The following PELI2 variants were observed in gnomAD, a reference collection of about 807,000 sequenced individuals.
PELI2 encodes E3 ubiquitin-protein ligase pellino homolog 2.
In PELI2, 23 loss-of-function variants were observed where a neutral mutation model predicts 42.3. The observed-to-expected ratio is 0.54, with a 90% CI of 0.39 to 0.77. The LOEUF (loss-of-function observed/expected upper bound fraction) is 0.77. Ranked by LOEUF, PELI2 falls within the 30% of genes least tolerant of loss-of-function variation. The pLI, the probability that PELI2 is intolerant of heterozygous loss-of-function variation, is 0.00. For synonymous variants in PELI2, 245 were observed against 212.2 expected, an observed-to-expected ratio of 1.15 and a Z score of -1.34; for missense variants, 463 against 553.2, an observed-to-expected ratio of 0.84 and a Z score of 1.64.
intron 2 of PELI2, among the ~76,000 whole-genome samples, chr14:56,203,506 G>T (rs1455769745): frequency 6.6e-6 from 1 of 152,084 alleles, no homozygotes; most frequent in Non-Finnish European, 1.5e-5. Context: ...TGTATCTGTA[G>T]ACTTTTTTTC....
intron 2 of PELI2, among the ~76,000 whole-genome samples, chr14:56,204,704 G>A (rs1437847769): frequency 6.6e-6 from 1 of 152,088 alleles, no homozygotes; most frequent in Non-Finnish European, 1.5e-5. Flanking sequence ...CTGTTAAGAA[G>A]AGGGCCTGGA....
intron 1 of PELI2, among the ~76,000 whole-genome samples, chr14:56,176,693 C>G (rs377461515): frequency 6.6e-5 from 10 of 152,312 alleles, no homozygotes; most frequent in Admixed American, 5.9e-4. Flanking sequence ...TCAAGTGCAT[C>G]TACCATACAG....
chr14:56,220,664 G>C (rs1223995566), intron 2 of PELI2, among the ~76,000 whole-genome samples: 1 of 151,860 alleles, frequency 6.6e-6, no homozygotes, highest in Non-Finnish European at 1.5e-5. Flanking sequence ...AGTGAAAGAA[G>C]AATCTGCCCT....
intron 2 of PELI2, among the ~76,000 whole-genome samples, chr14:56,230,763 A>G (rs1349488349): frequency 1.3e-5 from 2 of 152,256 alleles, no homozygotes; most frequent in Admixed American, 6.5e-5. Flanking sequence ...TTAATGTTAA[A>G]TGTAAATGGG....
intron 1 of PELI2, among the ~76,000 whole-genome samples, chr14:56,122,956 T>A (rs1296128876): frequency 6.6e-6 from 1 of 152,200 alleles, no homozygotes; most frequent in Admixed American, 6.5e-5. Flanking sequence ...TCATTACATG[T>A]CATCAAACTG....
chr14:56,178,077 A>G (rs1885448463), intron 1 of PELI2, among the ~76,000 whole-genome samples: 1 of 152,196 alleles, frequency 6.6e-6, no homozygotes, highest in African/African-American at 2.4e-5. Flanking sequence ...CCTCTTTCCA[A>G]AAAGATTTGA....
chr14:56,232,134 A>C (rs1287568208), intron 2 of PELI2, among the ~76,000 whole-genome samples: 2 of 152,182 alleles, frequency 1.3e-5, no homozygotes, highest in Non-Finnish European at 1.5e-5. Flanking sequence ...ACCAACCAAA[A>C]AAAGTCCAGG....
At chr14:56,169,963 G>T (rs905041093) in intron 1 of PELI2, among the ~76,000 whole-genome samples, 1 of 152,158 alleles carries the variant, frequency 6.6e-6, no homozygotes, top group Non-Finnish European at 1.5e-5. Context: ...CCTTAAACGC[G>T]GTTGGAATAG....
chr14:56,196,218 G>A (rs746067746), intron 2 of PELI2, among the ~76,000 whole-genome samples: 3 of 152,078 alleles, frequency 2.0e-5, no homozygotes, highest in East Asian at 3.9e-4. Context: ...TTAAAATAAC[G>A]ATGTCTGTTT....
chr14:56,204,500 C>CG (rs1886444961), intron 2 of PELI2, among the ~76,000 whole-genome samples: 5 of 151,982 alleles, frequency 3.3e-5, no homozygotes, highest in Admixed American at 3.3e-4. Flanking sequence ...GGGAGTAGAA[C>CG]AGGGGAGAAG....
At chr14:56,255,829 CT>C (rs1888509167) in intron 2 of PELI2, among the ~76,000 whole-genome samples, 1 of 152,150 alleles carries the variant, frequency 6.6e-6, no homozygotes. Context: ...CTGGCACCAT[CT>C]TGTCTGCTCC....
At chr14:56,162,859 C>G (rs148068675) in intron 1 of PELI2, among the ~76,000 whole-genome samples, 74 of 152,132 alleles carry the variant, frequency 4.9e-4, no homozygotes, top group Non-Finnish European at 7.7e-4. Flanking sequence ...CTCTGATGAT[C>G]AGTTATGTTG....
chr14:56,213,503 A>G (rs536416815), intron 2 of PELI2, among the ~76,000 whole-genome samples: 1 of 152,352 alleles, frequency 6.6e-6, no homozygotes, highest in South Asian at 2.1e-4. Flanking sequence ...GGAGAGGGAC[A>G]AAGGCCAGAT....
At chr14:56,233,327 A>C (rs1178811485) in intron 2 of PELI2, among the ~76,000 whole-genome samples, 2 of 152,218 alleles carry the variant, frequency 1.3e-5, no homozygotes, top group Non-Finnish European at 2.9e-5. Context: ...ACAAAGCTGG[A>C]GGCATCAAGC....
chr14:56,296,635 C>G lies in PELI2; in HGVS notation c.732C>G (p.Ser244=). ...ESETNVLQDG[S]LIDLCGATLL... is the part of the protein sequence containing the mutation. Reference sequence around the variant, plus strand: ...AGACCAACGTCCTGCAGGACGGCTCCCTCATTGACCTGTGTGGGGCCACTC... The same window carrying G: ...AGACCAACGTCCTGCAGGACGGCTCGCTCATTGACCTGTGTGGGGCCACTC... Residue 244 remains serine, a synonymous_variant, in exon 6 of 6, where the codon TCC becomes TCG. Coordinates refer to ENST00000267460, the MANE Select transcript of PELI2 (RefSeq NM_021255.3). 6.2e-7 allele frequency: 1 copy of G among 1,610,558 alleles called. No individual in the cohort carries two copies.
At chr14:56,212,078 A>G (rs1394676830) in intron 2 of PELI2, among the ~76,000 whole-genome samples, 1 of 152,206 alleles carries the variant, frequency 6.6e-6, no homozygotes, top group African/African-American at 2.4e-5. Context: ...TTAGAGAACC[A>G]GTTGGAGTAG....
In PELI2 at chr14:56,297,182, T is replaced by C. The variant is rs765189972; in HGVS notation, c.*16T>C. Reference sequence around the variant, plus strand: ...AATTGACTGACGCCCTTGACAGCCATCTACGACTTTATTAACAGGTTACTG... The same window carrying C: ...AATTGACTGACGCCCTTGACAGCCACCTACGACTTTATTAACAGGTTACTG... On this transcript the variant is annotated 3_prime_UTR_variant, in exon 6 of 6. Transcript: ENST00000267460. 1 of 1,554,268 alleles carries C rather than the reference T, an allele frequency of 6.4e-7. No individual in the cohort carries two copies. Among genetic ancestry groups the C allele is most frequent in the East Asian group, 2.3e-5 (1 of 44,076 alleles).
chr14:56,252,957 A>G (rs1405444611), intron 2 of PELI2, among the ~76,000 whole-genome samples: 2 of 152,244 alleles, frequency 1.3e-5, no homozygotes, highest in African/African-American at 4.8e-5. Flanking sequence ...GAAAATCCTC[A>G]GTAAAATACT....
chr14:56,222,469 G>T (rs1033499948), intron 2 of PELI2, among the ~76,000 whole-genome samples: 2 of 152,196 alleles, frequency 1.3e-5, no homozygotes, highest in Non-Finnish European at 2.9e-5. Flanking sequence ...AGCTCACCAC[G>T]TGCCTGTGCC....
Sources: allele counts gnomAD v4.1 joint callset (sites outside exome capture counted in the v4.1 genomes callset), GRCh38; gene constraint gnomAD v4.1.1; transcripts MANE v1.5; gene names NCBI Gene and HGNC (gene_info 2026-07-23, HGNC 2026-07-21).